The following LARP4 variants were observed in gnomAD, a reference collection of about 807,000 sequenced individuals.
LARP4 encodes La ribonucleoprotein 4, also known as la-related protein 4.
Under a neutral mutation model 92.9 loss-of-function variants are expected in LARP4, and 29 were observed. The ratio of observed to expected loss-of-function variants is 0.31; its 90% CI spans 0.23 to 0.43. The LOEUF (loss-of-function observed/expected upper bound fraction) is 0.43, where lower values mean the gene tolerates loss of function less well. LARP4 is among the 20% of genes least tolerant of loss of function. The probability of loss-of-function intolerance (pLI) is 1.00; values close to 1 mark genes in which losing one functional copy is unlikely to be tolerated. For missense variants in LARP4, 732 were observed against 860.0 expected (o/e 0.85, Z 1.86); for synonymous variants, 279 against 284.1 (o/e 0.98, Z 0.18).
At chr12:50,430,880 T>G (rs1348340841) in intron 4 of LARP4, among the ~76,000 whole-genome samples, 1 of 152,068 alleles carries the variant, frequency 6.6e-6, no homozygotes. Flanking sequence ...CAGGCCAGTC[T>G]CAAACATGCA....
intron 8 of LARP4, among the ~76,000 whole-genome samples, chr12:50,445,184 G>A (rs772471496): frequency 1.3e-5 from 2 of 152,142 alleles, no homozygotes; most frequent in African/African-American, 2.4e-5. Context: ...GACTATAGAC[G>A]TGAGCCACTG....
intron 1 of LARP4, 81 bp downstream of exon 1, chr12:50,401,109 C>T: frequency 2.0e-6 from 3 of 1,529,014 alleles, no homozygotes; most frequent in East Asian, 2.2e-5. Flanking sequence ...CGCCATGTGA[C>T]TTTCCGGGCC....
intron 7 of LARP4, among the ~76,000 whole-genome samples, chr12:50,441,064 T>C (rs1951134329): frequency 1.3e-5 from 2 of 152,036 alleles, no homozygotes; most frequent in Admixed American, 1.3e-4. Flanking sequence ...TTTGTATTTT[T>C]AGTAGAGGTG....
In LARP4 at chr12:50,453,475, A is replaced by G. The variant is rs1390056703; in HGVS notation, c.820A>G (p.Ile274Val). Residue 274 changes from isoleucine (I) to valine (V), a missense_variant, in exon 9 of 16, where the codon ATC becomes GTC. Coordinates refer to ENST00000398473, the MANE Select transcript of LARP4 (RefSeq NM_052879.5). ...GKPIMARIKA[I>V]NTFFAKNGYR... ...CCTCTTCTAGGCAAGGATAAAAGCC[A>G]TCAATACATTTTTTGCTAAGAATGG... is the stretch of plus-strand genomic sequence containing the variant. 5.6e-6 allele frequency: 9 copies of G among 1,607,548 alleles called. No individual in the cohort carries two copies. The highest frequency in any genetic ancestry group is 6.8e-6 in the Non-Finnish European group (8 of 1,174,306).
At chr12:50,409,432 G>A (rs182535128) in intron 1 of LARP4, among the ~76,000 whole-genome samples, 9 of 152,236 alleles carry the variant, frequency 5.9e-5, no homozygotes, top group African/African-American at 2.2e-4. Flanking sequence ...CACTTAGGGA[G>A]GCAGACAGGA....
At chr12:50,467,176 C>T in intron 13 of LARP4, 56 bp downstream of exon 13, 1 of 1,401,222 alleles carries the variant, frequency 7.1e-7, no homozygotes, top group African/African-American at 1.4e-5. Context: ...GCTTTATTTG[C>T]AGTGTTGTTA....
At chr12:50,473,287 A>G in intron 13 of LARP4, 128 bp from the exon 14 acceptor site, 1 of 629,792 alleles carries the variant, frequency 1.6e-6, no homozygotes, top group Non-Finnish European at 2.8e-6. Context: ...GTGATTTTTC[A>G]CCGTGGTTTA....
chr12:50,459,677 A>T (rs893226673), intron 10 of LARP4, among the ~76,000 whole-genome samples: 56 of 151,998 alleles, frequency 3.7e-4, no homozygotes, highest in African/African-American at 1.3e-3. Flanking sequence ...TACAAAAATT[A>T]TCTAGGTGTG....
In LARP4 at chr12:50,475,830, A is replaced by G; in HGVS notation, c.2141A>G (p.Lys714Arg). 1.2e-6 allele frequency: 2 copies of G among 1,614,076 alleles called. No homozygotes were observed. The highest frequency in any genetic ancestry group is 1.7e-6 in the Non-Finnish European group (2 of 1,180,012). The part of the protein sequence containing the change: ...IPQGVTRRNG[K>R]EQYVPPRSPK ...CAGGGAGTGACTCGACGTAATGGCA[A>G]AGAGCAATATGTGCCACCCAGATCA... is the stretch of plus-strand genomic sequence containing the variant. Residue 714 changes from lysine (K) to arginine (R), a missense_variant, in exon 16 of 16, where the codon AAA becomes AGA. Lys to Arg is a conservative substitution (Grantham distance 26). Around this residue, in one of 7 missense-constraint regions of LARP4, gnomAD observed 115 missense variants for 129.1 expected, o/e 0.89. Transcript: ENST00000398473.
At chr12:50,434,451 C>A (rs1253700815) in intron 4 of LARP4, among the ~76,000 whole-genome samples, 1 of 148,796 alleles carries the variant, frequency 6.7e-6, no homozygotes, top group African/African-American at 2.5e-5. Context: ...GGAGTTTCGC[C>A]CTTGTTGCCC....
chr12:50,466,450 C>A (rs1253687753), intron 12 of LARP4, among the ~76,000 whole-genome samples: 1 of 151,910 alleles, frequency 6.6e-6, no homozygotes, highest in Non-Finnish European at 1.5e-5. Flanking sequence ...CTTGTCACTA[C>A]TAAAAAACAA....
chr12:50,422,052 C>G lies in LARP4; in HGVS notation c.19-5710C>G, dbSNP rs566137893. On this transcript the variant is annotated intron_variant, in intron 1 of 15. Coordinates refer to ENST00000398473, the MANE Select transcript of LARP4 (RefSeq NM_052879.5). Reference sequence around the variant, plus strand: ...TGGCGTGATCACTGCTTACTGCAACCTCTGCCTCCCAGGTTCAAGTGATTC... The same window carrying G: ...TGGCGTGATCACTGCTTACTGCAACGTCTGCCTCCCAGGTTCAAGTGATTC... 6.1e-4 allele frequency among the ~76,000 whole-genome samples: 93 copies of G among 151,944 alleles called. No homozygotes were observed. In the Middle Eastern group the frequency reaches 0.014, roughly 22 times the overall value.
intron 1 of LARP4, among the ~76,000 whole-genome samples, chr12:50,426,732 GTT>G (rs796220360): frequency 1.0e-3 from 53 of 52,084 alleles, no homozygotes; most frequent in African/African-American, 3.2e-3. Flanking sequence ...TGTGTGTGTG[GTT>G]TTTTTTTTTT....
At chr12:50,468,856 C>G (rs1286245486) in intron 13 of LARP4, among the ~76,000 whole-genome samples, 2 of 151,926 alleles carry the variant, frequency 1.3e-5, no homozygotes, top group African/African-American at 2.4e-5. Flanking sequence ...TTCAGTATTA[C>G]AGATATTTTT....
intron 10 of LARP4, among the ~76,000 whole-genome samples, chr12:50,458,143 T>A (rs932515323): frequency 7.2e-5 from 11 of 151,902 alleles, no homozygotes; most frequent in Admixed American, 2.0e-4. Flanking sequence ...TTTGCCATGT[T>A]GTGCAGGCTG....
chr12:50,447,860 C>A (rs561394047), intron 8 of LARP4, among the ~76,000 whole-genome samples: 1 of 151,720 alleles, frequency 6.6e-6, no homozygotes, highest in South Asian at 2.1e-4. Context: ...CGCACCACTC[C>A]CCCCCCATTT....
chr12:50,424,421 C>T (rs1046899360), intron 1 of LARP4, among the ~76,000 whole-genome samples: 4 of 151,648 alleles, frequency 2.6e-5, no homozygotes. Flanking sequence ...TACAGTGGCC[C>T]GATCTCGGCT....
In LARP4 at chr12:50,476,429, G is replaced by A. The variant is rs1318414975; in HGVS notation, c.*565G>A. On this transcript the variant is annotated 3_prime_UTR_variant, in exon 16 of 16. Coordinates refer to ENST00000398473, the MANE Select transcript of LARP4 (RefSeq NM_052879.5). ...AAGAGCGATTGAAGCCAAATCTGTTGTCATGTTAGTAAATGATTTGAAAAC... is the reference window on the plus strand; with the variant it reads ...AAGAGCGATTGAAGCCAAATCTGTTATCATGTTAGTAAATGATTTGAAAAC... 6.6e-6 allele frequency: 1 copy of A among 152,514 alleles called. No homozygotes were observed. The highest frequency in any genetic ancestry group is 1.5e-5 in the Non-Finnish European group (1 of 68,024). The allele number at this position is 152,514 out of a possible 1,614,324, so 9.4% of individuals were successfully genotyped here. A position where few individuals can be genotyped will look rare whatever the true frequency, so the allele number is the denominator to read the frequency against.
intron 1 of LARP4, among the ~76,000 whole-genome samples, chr12:50,409,304 G>A (rs1245420124): frequency 6.6e-6 from 1 of 152,050 alleles, no homozygotes; most frequent in African/African-American, 2.4e-5. Flanking sequence ...TGTAAATTGA[G>A]GACAATAATA....
Sources: allele counts gnomAD v4.1 joint callset (sites outside exome capture counted in the v4.1 genomes callset), GRCh38; gene constraint gnomAD v4.1.1; regional missense constraint gnomAD v4.1.1; transcripts MANE v1.5; gene names NCBI Gene and HGNC (gene_info 2026-07-23, HGNC 2026-07-21).